BTN2A1: variants seen among roughly 807,000 people sequenced by gnomAD.
The protein encoded by BTN2A1 is butyrophilin subfamily 2 member A1, also known as butyrophilin, subfamily 2, member A1.
BTN2A1 carries 41 observed loss-of-function variants against 34.5 expected under a neutral mutation model. The ratio of observed to expected loss-of-function variants is 1.19; its 90% CI spans 0.93 to 1.54. BTN2A1 has a LOEUF of 1.54. Ranked by LOEUF, BTN2A1 falls within the 40% of genes most tolerant of loss-of-function variation. BTN2A1 has a pLI of 0.00. For synonymous variants in BTN2A1, 267 were observed against 258.6 expected, an observed-to-expected ratio of 1.03 and a Z score of -0.31; for missense variants, 642 against 662.0, an observed-to-expected ratio of 0.97 and a Z score of 0.33.
Position 26,469,273 on chromosome 6 carries a change from G to T in BTN2A1, c.*724G>T. The stretch of plus-strand genomic sequence containing the variant: ...GAGTGTGGCTGAAATTTGAGGTCCT[G>T]GCTGAGCCAAGGAGTAATGGACCAG... On this transcript the variant is annotated 3_prime_UTR_variant, in exon 8 of 8. Coordinates refer to ENST00000312541, the MANE Select transcript of BTN2A1 (RefSeq NM_007049.5). 2 of 995,268 alleles carry T rather than the reference G, an allele frequency of 2.0e-6. No homozygotes were observed. Among genetic ancestry groups the T allele is most frequent in the East Asian group, 1.1e-4 (1 of 9,070 alleles). The allele number at this position is 995,268 out of a possible 1,614,324, so 61.7% of individuals were successfully genotyped here. A position where few individuals can be genotyped will look rare whatever the true frequency, so the allele number is the denominator to read the frequency against.
chr6:26,459,889 T>TC, intron 3 of BTN2A1, 61 bp downstream of exon 3: 1 of 1,510,802 alleles, frequency 6.6e-7, no homozygotes, highest in Non-Finnish European at 8.9e-7. Context: ...AAAGTTTCTC[T>TC]CCTAACCTCA....
chr6:26,463,528 T>G lies in BTN2A1; in HGVS notation c.712+3T>G. 6.2e-7 allele frequency: 1 copy of G among 1,612,554 alleles called. No individual in the cohort carries two copies. On this transcript the variant is annotated splice_donor_region_variant and intron_variant, in intron 4 of 7. Coordinates refer to ENST00000312541, the MANE Select transcript of BTN2A1 (RefSeq NM_007049.5). The stretch of plus-strand genomic sequence containing the variant: ...AGAAAGTGTCATTTTTATTCCAGGT[T>G]AGTTCTCTGCCCTCTGAGACTCGTC...
At chr6:26,460,431 G>A (rs879728240) in intron 3 of BTN2A1, among the ~76,000 whole-genome samples, 4 of 152,258 alleles carry the variant, frequency 2.6e-5, no homozygotes, top group Non-Finnish European at 5.9e-5. Context: ...AAACCAAGAC[G>A]AAATACAGAA....
At chr6:26,463,563 G>A (rs777461374) in intron 4 of BTN2A1, 38 bp downstream of exon 4, 1 of 1,590,080 alleles carries the variant, frequency 6.3e-7, no homozygotes, top group Non-Finnish European at 8.6e-7. Flanking sequence ...CGAGTGCATG[G>A]GGGATCCTCA....
At chr6:26,463,096 C>T (rs1032459515) in intron 3 of BTN2A1, 148 bp from the exon 4 acceptor site, 2 of 1,050,230 alleles carry the variant, frequency 1.9e-6, no homozygotes, top group African/African-American at 3.2e-5. Flanking sequence ...CTTCCTTACC[C>T]TCATCCTTTT....
Position 26,465,287 on chromosome 6 carries a change from T to C in BTN2A1, c.815T>C (p.Leu272Pro). The C allele has an allele frequency of 1.2e-6, 2 of 1,613,854 alleles. No individual in the cohort carries two copies. The highest frequency in any genetic ancestry group is 1.6e-4 in the Middle Eastern group (1 of 6,062). Residue 272 changes from leucine to proline, a missense_variant, in exon 5 of 8, where the codon CTC becomes CCC. By Grantham distance (98) the Leu-to-Pro change is moderately conservative. Coordinates refer to ENST00000312541, the MANE Select transcript of BTN2A1 (RefSeq NM_007049.5). The part of the protein sequence containing the change: ...IAVCIYWINK[L>P]QKEKKILSGE... ...GTATGCATCTATTGGATCAACAAACTCCAAAAGGAAAAAAAGATTCTGTCA... is the reference window on the plus strand; with the variant it reads ...GTATGCATCTATTGGATCAACAAACCCCAAAAGGAAAAAAAGATTCTGTCA...
chr6:26,459,943 C>CACAGGGAGATTCCACAGGGAA, intron 3 of BTN2A1, 115 bp downstream of exon 3: 3 of 731,830 alleles, frequency 4.1e-6, no homozygotes, highest in Non-Finnish European at 5.9e-6. Context: ...CTCCCTTTTC[C>CACAGGGAGATTCCACAGGGAA]ACTCTCCCTG....
At chr6:26,473,498 AC>A (rs1399075283), downstream of BTN2A1, among the ~76,000 whole-genome samples, 1 of 152,244 alleles carries the variant, frequency 6.6e-6, no homozygotes, top group Admixed American at 6.5e-5. Context: ...TTTTGGAGGT[AC>A]TAAAATAGAT....
intron 5 of BTN2A1, 103 bp downstream of exon 5, chr6:26,465,509 C>A: frequency 9.6e-7 from 1 of 1,044,962 alleles, no homozygotes; most frequent in Non-Finnish European, 1.4e-6. Flanking sequence ...CCAGCCTGGG[C>A]GATAAAGTGA....
At chr6:26,465,534 A>T (rs1374343675) in intron 5 of BTN2A1, 128 bp downstream of exon 5, 12 of 445,448 alleles carry the variant, frequency 2.7e-5, no homozygotes, top group Non-Finnish European at 3.3e-5. Flanking sequence ...CTGTTTAATT[A>T]AAAAAAAAAA....
chr6:26,466,642 C>T (rs1763323720), intron 7 of BTN2A1, among the ~76,000 whole-genome samples: 1 of 152,166 alleles, frequency 6.6e-6, no homozygotes, highest in African/African-American at 2.4e-5. Context: ...AGCACAGAAC[C>T]CAATTGCCCA....
At chr6:26,470,233 G>A (rs1008881704), downstream of BTN2A1, among the ~76,000 whole-genome samples, 1 of 152,108 alleles carries the variant, frequency 6.6e-6, no homozygotes, top group African/African-American at 2.4e-5. Flanking sequence ...TATAATCCCA[G>A]CTACTCAGGA....
chr6:26,466,144 C>T (rs1763309185), intron 7 of BTN2A1, 56 bp downstream of exon 7: 3 of 1,612,256 alleles, frequency 1.9e-6, no homozygotes, highest in Non-Finnish European at 1.7e-6. Flanking sequence ...AGCCAGCTAA[C>T]AGGACTCCTT....
downstream of BTN2A1, among the ~76,000 whole-genome samples, chr6:26,472,364 G>A (rs1004511994): frequency 9.2e-5 from 14 of 152,094 alleles, no homozygotes; most frequent in Non-Finnish European, 1.8e-4. Context: ...TAAGAAAATG[G>A]GATTTTATTA....
rs754085235 is a variant in BTN2A1, at chr6:26,463,259, C to T, written c.446C>T (p.Pro149Leu). 1.8e-5 allele frequency: 29 copies of T among 1,606,446 alleles called. No homozygotes were observed. The South Asian group carries it at 3.2e-4, about 18-fold the overall frequency. The change falls in exon 4 of 8, where the codon CCC becomes CTC. Residue 149 changes from proline (P) to leucine (L), a missense_variant. Pro to Leu is a moderately conservative substitution (Grantham distance 98, BLOSUM62 -3). Coordinates refer to ENST00000312541, the MANE Select transcript of BTN2A1 (RefSeq NM_007049.5). ...CTCTCCACAGGACTAGGCTCTAAGC[C>T]CCTCATTTCAATGAGGGGCCATGAA... ...HLVVAGLGSK[P>L]LISMRGHEDG...
chr6:26,468,804 C>T lies in BTN2A1; in HGVS notation c.*255C>T, dbSNP rs1763397631. The T allele has an allele frequency of 1.9e-6, 3 of 1,579,422 alleles. No individual in the cohort carries two copies. The highest frequency in any genetic ancestry group is 2.6e-6 in the Non-Finnish European group (3 of 1,160,124). The stretch of plus-strand genomic sequence containing the variant: ...ATAGGGAACTAGTTGTTACACAGCT[C>T]CCAGCCAAGAAGAAAGTGTGAGAAG... On this transcript the variant is annotated 3_prime_UTR_variant, in exon 8 of 8. Transcript: ENST00000312541.
chr6:26,467,948 T>C lies in BTN2A1; in HGVS notation c.983T>C (p.Val328Ala), dbSNP rs1763361384. Reference protein sequence around the residue: ...LRWRRTFLHAVDVVLDPDTAH... With the variant: ...LRWRRTFLHAADVVLDPDTAH... Reference sequence around the variant, plus strand: ...CCTAAACCTGAGACTTCCTCTGCAGTTGATGTGGTCCTGGATCCAGACACC... The same window carrying C: ...CCTAAACCTGAGACTTCCTCTGCAGCTGATGTGGTCCTGGATCCAGACACC... Residue 328 changes from valine (V) to alanine (A), a missense_variant and splice_region_variant, in exon 8 of 8, where the codon GTT becomes GCT. Physicochemically the swap from Val to Ala is moderately conservative, Grantham distance 64. Coordinates refer to ENST00000312541, the MANE Select transcript of BTN2A1 (RefSeq NM_007049.5). 1.2e-6 allele frequency: 2 copies of C among 1,610,762 alleles called. No individual in the cohort carries two copies. The highest frequency in any genetic ancestry group is 1.1e-5 in the South Asian group (1 of 91,008).
chr6:26,460,050 A>G (rs1369152488), intron 3 of BTN2A1, among the ~76,000 whole-genome samples: 3 of 152,158 alleles, frequency 2.0e-5, no homozygotes, highest in South Asian at 4.1e-4. Flanking sequence ...CTTGAGAAGC[A>G]CATGCAGAAT....
intron 4 of BTN2A1, among the ~76,000 whole-genome samples, chr6:26,464,684 G>A (rs1194543523): frequency 6.6e-6 from 1 of 152,174 alleles, no homozygotes; most frequent in Middle Eastern, 3.2e-3. Context: ...GAAGTGAAAG[G>A]AGATGAATTC....
Sources: gnomAD v4.1 joint callset for allele counts (sites outside exome capture counted in the v4.1 genomes callset) on GRCh38, gnomAD v4.1.1 for gene constraint, MANE v1.5 for transcripts, NCBI Gene and HGNC (gene_info 2026-07-23, HGNC 2026-07-21) for gene names.